Variants in GPC5 observed in about 807,000 individuals in gnomAD.
The protein encoded by GPC5 is glypican-5.
Under a neutral mutation model 53.9 loss-of-function variants are expected in GPC5, and 47 were observed. That is an observed-to-expected ratio of 0.87 (90% CI 0.69 to 1.11). GPC5 has a LOEUF of 1.11. Ranked by LOEUF, GPC5 falls within the 50% of genes most tolerant of loss-of-function variation. The probability of loss-of-function intolerance (pLI) is 0.00; values close to 1 mark genes in which losing one functional copy is unlikely to be tolerated. For missense variants in GPC5, 748 were observed against 713.1 expected, an observed-to-expected ratio of 1.05 and a Z score of -0.56; for synonymous variants, 286 against 263.3, an observed-to-expected ratio of 1.09 and a Z score of -0.84.
intron 2 of GPC5, among the ~76,000 whole-genome samples, chr13:91,570,450 T>G (rs1296327791): frequency 1.3e-5 from 2 of 152,184 alleles, no homozygotes; most frequent in African/African-American, 4.8e-5. Flanking sequence ...CCAAAGCACT[T>G]GTGTTCCAAA....
intron 2 of GPC5, among the ~76,000 whole-genome samples, chr13:91,506,097 AGCCAATTACTTT>A (rs1202507404): frequency 6.6e-6 from 1 of 152,146 alleles, no homozygotes; most frequent in Non-Finnish European, 1.5e-5. Context: ...GGATCAGAGA[AGCCAATTACTTT>A]GCCTGAGACA....
intron 7 of GPC5, among the ~76,000 whole-genome samples, chr13:92,455,989 A>G (rs1878250348): frequency 2.6e-5 from 4 of 152,230 alleles, no homozygotes; most frequent in Admixed American, 6.5e-5. Flanking sequence ...TTTCTCAAAT[A>G]GAGAAAACAC....
At chr13:91,759,151 G>A (rs180699349) in intron 5 of GPC5, among the ~76,000 whole-genome samples, 10 of 152,128 alleles carry the variant, frequency 6.6e-5, no homozygotes, top group Non-Finnish European at 8.8e-5. Context: ...ATTTGACGAC[G>A]AGAAAATTCT....
intron 7 of GPC5, among the ~76,000 whole-genome samples, chr13:92,456,153 G>T (rs1445458351): frequency 6.6e-6 from 1 of 151,764 alleles, no homozygotes; most frequent in East Asian, 1.9e-4. Context: ...GCCAAAAGTT[G>T]ATTTTCCCAG....
intron 7 of GPC5, among the ~76,000 whole-genome samples, chr13:92,579,463 C>G (rs1883307480): frequency 6.6e-6 from 1 of 151,876 alleles, no homozygotes; most frequent in Admixed American, 6.6e-5. Context: ...TTGAGATAAT[C>G]AGGCAAGTAT....
At chr13:92,411,100 C>CA (rs543380937) in intron 7 of GPC5, among the ~76,000 whole-genome samples, 251 of 151,780 alleles carry the variant, frequency 1.7e-3, no homozygotes, top group African/African-American at 5.6e-3. Context: ...CAAAAAAGAC[C>CA]AAAAAAACAA....
intron 7 of GPC5, among the ~76,000 whole-genome samples, chr13:92,752,004 T>A (rs986559807): frequency 6.6e-5 from 10 of 151,914 alleles, no homozygotes; most frequent in African/African-American, 1.9e-4. Flanking sequence ...TTGAATATAA[T>A]AGTATCTGTT....
At chr13:92,592,349 G>A (rs566094771) in intron 7 of GPC5, among the ~76,000 whole-genome samples, 3 of 151,812 alleles carry the variant, frequency 2.0e-5, no homozygotes, top group African/African-American at 7.2e-5. Flanking sequence ...ATGTGTCTAA[G>A]AAGTCAAAGA....
At chr13:91,712,302 GTGTGTGTGTGTATA>G (rs2036242377) in intron 3 of GPC5, among the ~76,000 whole-genome samples, 1 of 151,708 alleles carries the variant, frequency 6.6e-6, no homozygotes, top group African/African-American at 2.4e-5. Context: ...AGTTTAATGT[GTGTGTGTGTGTATA>G]TGTGTGTGTG....
At chr13:92,199,015 A>G (rs530977863) in intron 7 of GPC5, among the ~76,000 whole-genome samples, 1 of 152,290 alleles carries the variant, frequency 6.6e-6, no homozygotes, top group East Asian at 1.9e-4. Context: ...GAAGCCAAAA[A>G]ATACTGTTTG....
At chr13:91,657,151 AAG>A (rs1224125807) in intron 2 of GPC5, among the ~76,000 whole-genome samples, 1 of 152,196 alleles carries the variant, frequency 6.6e-6, no homozygotes, top group East Asian at 1.9e-4. Context: ...TGGCAGGAGA[AAG>A]AAGATGGCTG....
rs968117861 is a variant in GPC5, at chr13:92,523,411, C to A, written c.1562-342871C>A. Among the ~76,000 whole-genome samples the A allele has an allele frequency of 2.6e-5, 4 of 152,014 alleles. 1 individual carries two copies. The South Asian group carries it at 8.3e-4, about 31-fold the overall frequency. On this transcript the variant is annotated intron_variant, in intron 7 of 7. Transcript: ENST00000377067. The stretch of plus-strand genomic sequence containing the variant: ...AATGTTCTTTGATATTTGACAAATA[C>A]CTCCTTTTTGTATGTAACTTGTACA...
At chr13:92,198,840 T>A (rs2042274992) in intron 7 of GPC5, among the ~76,000 whole-genome samples, 14 of 152,192 alleles carry the variant, frequency 9.2e-5, no homozygotes, top group Admixed American at 9.2e-4. Context: ...AATGGTCATA[T>A]ACTAAAATGA....
At chr13:91,648,237 A>G (rs1458781053) in intron 2 of GPC5, among the ~76,000 whole-genome samples, 2 of 152,206 alleles carry the variant, frequency 1.3e-5, no homozygotes, top group African/African-American at 4.8e-5. Flanking sequence ...TATGTCAGGC[A>G]TGATCCTAGA....
chr13:92,793,142 T>A (rs966340626), intron 7 of GPC5, among the ~76,000 whole-genome samples: 1 of 151,812 alleles, frequency 6.6e-6, no homozygotes, highest in South Asian at 2.1e-4. Context: ...GAAGTAAAGC[T>A]CTCCTCAGCA....
chr13:92,296,409 C>T (rs925247487), intron 7 of GPC5, among the ~76,000 whole-genome samples: 2 of 152,026 alleles, frequency 1.3e-5, no homozygotes, highest in Admixed American at 1.3e-4. Flanking sequence ...TCAGACTGTC[C>T]TTGGGCAGGT....
chr13:91,458,457 C>T (rs1218872158), intron 2 of GPC5, among the ~76,000 whole-genome samples: 1 of 152,130 alleles, frequency 6.6e-6, no homozygotes, highest in African/African-American at 2.4e-5. Context: ...ACTTTCACCA[C>T]TTCTAATCAA....
At chr13:91,672,926 T>C (rs2035283995) in intron 2 of GPC5, among the ~76,000 whole-genome samples, 1 of 152,146 alleles carries the variant, frequency 6.6e-6, no homozygotes, top group South Asian at 2.1e-4. Context: ...AATCATGTCA[T>C]TTGCAGGGAC....
At chr13:92,363,017 G>A (rs983031905) in intron 7 of GPC5, among the ~76,000 whole-genome samples, 1 of 151,652 alleles carries the variant, frequency 6.6e-6, no homozygotes, top group African/African-American at 2.4e-5. Flanking sequence ...GTTTACAGAG[G>A]CCAAAATGGC....
Sources: gnomAD v4.1 joint callset for allele counts (sites outside exome capture counted in the v4.1 genomes callset) on GRCh38, gnomAD v4.1.1 for gene constraint, MANE v1.5 for transcripts, NCBI Gene and HGNC (gene_info 2026-07-23, HGNC 2026-07-21) for gene names.